DACH2: variants seen among roughly 807,000 people sequenced by gnomAD.
The protein encoded by DACH2 is dachshund family transcription factor 2.
A neutral mutation model predicts 35.8 loss-of-function variants in DACH2; 17 were observed. The observed-to-expected ratio is 0.48, with a 90% CI of 0.33 to 0.71. The LOEUF is 0.71. Ranked by LOEUF, DACH2 falls within the 30% of genes least tolerant of loss-of-function variation. The pLI is 0.02. For synonymous variants in DACH2, 195 were observed against 177.3 expected (o/e 1.10, Z -0.79); for missense variants, 469 against 472.7 (o/e 0.99, Z 0.07).
chrX:86,707,860 A>G (rs2041233947), intron 5 of DACH2, among the ~76,000 whole-genome samples: 1 of 93,085 alleles, frequency 1.1e-5, no homozygotes, highest in South Asian at 5.3e-4. Flanking sequence ...GGTTGCAGTG[A>G]GCCGAGATCA....
chrX:86,456,006 C>T (rs958039652), intron 2 of DACH2, among the ~76,000 whole-genome samples: 34 of 112,230 alleles, frequency 3.0e-4, no homozygotes, highest in African/African-American at 1.1e-3. Context: ...CTGCAGGTTG[C>T]AAAGATCCTT....
At chrX:86,279,574 A>G (rs1166590980) in intron 1 of DACH2, among the ~76,000 whole-genome samples, 1 of 111,371 alleles carries the variant, frequency 9.0e-6, no homozygotes, top group Non-Finnish European at 1.9e-5. Context: ...AAGCAGCACA[A>G]AAAGGCTGAA....
intron 7 of DACH2, among the ~76,000 whole-genome samples, chrX:86,779,651 G>A (rs1465363346): frequency 9.0e-6 from 1 of 111,572 alleles, no homozygotes; most frequent in East Asian, 2.8e-4. Context: ...AATGTGATGT[G>A]AGAGTTGCAG....
intron 2 of DACH2, among the ~76,000 whole-genome samples, chrX:86,441,537 C>A (rs1048445021): frequency 1.9e-5 from 2 of 103,873 alleles, no homozygotes; most frequent in African/African-American, 7.0e-5. Context: ...TTTTCTTTAT[C>A]CATTAATCTG....
chrX:86,662,381 C>A (rs1480467124), intron 4 of DACH2, among the ~76,000 whole-genome samples: 2 of 111,501 alleles, frequency 1.8e-5, no homozygotes, highest in African/African-American at 6.5e-5. Flanking sequence ...ATCACGAGAT[C>A]AGGAGATCGA....
intron 7 of DACH2, among the ~76,000 whole-genome samples, chrX:86,777,721 A>G (rs977801773): frequency 1.7e-4 from 19 of 111,533 alleles, no homozygotes; most frequent in African/African-American, 6.2e-4. Flanking sequence ...TAGGTTACTA[A>G]GAAAATTTTC....
intron 7 of DACH2, among the ~76,000 whole-genome samples, chrX:86,766,097 C>T (rs949634069): frequency 1.8e-5 from 2 of 110,453 alleles, no homozygotes; most frequent in Non-Finnish European, 3.8e-5. Context: ...TCTCTCCTTT[C>T]TTCTCCAAGC....
chrX:86,619,821 G>A (rs1027653426), intron 3 of DACH2, among the ~76,000 whole-genome samples: 2 of 111,798 alleles, frequency 1.8e-5, no homozygotes, highest in African/African-American at 6.5e-5. Flanking sequence ...ATAATTTAAT[G>A]ACATTTAAGA....
intron 1 of DACH2, among the ~76,000 whole-genome samples, chrX:86,317,683 G>A (rs2034939034): frequency 8.9e-6 from 1 of 111,863 alleles, no homozygotes; most frequent in South Asian, 3.7e-4. Flanking sequence ...CTTTACATAG[G>A]CCTTTTTTAT....
intron 4 of DACH2, among the ~76,000 whole-genome samples, chrX:86,663,587 A>G: frequency 8.9e-6 from 1 of 111,845 alleles, no homozygotes; most frequent in Non-Finnish European, 1.9e-5. Flanking sequence ...AAAAGTTAGG[A>G]TCCCAGACAC....
chrX:86,260,965 T>A (rs1308729769), intron 1 of DACH2, among the ~76,000 whole-genome samples: 1 of 112,258 alleles, frequency 8.9e-6, no homozygotes, highest in Admixed American at 9.5e-5. Context: ...CTTGGCAACA[T>A]TTGTTCAACT....
chrX:86,212,973 A>G (rs1283793157), intron 1 of DACH2, among the ~76,000 whole-genome samples: 1 of 111,012 alleles, frequency 9.0e-6, no homozygotes, highest in Admixed American at 9.6e-5. Flanking sequence ...CTTTACATAC[A>G]CTCTTTAAAC....
intron 5 of DACH2, among the ~76,000 whole-genome samples, chrX:86,711,635 C>T (rs928851808): frequency 9.0e-6 from 1 of 111,303 alleles, no homozygotes; most frequent in Non-Finnish European, 1.9e-5. Context: ...TTTCAGAAAA[C>T]GTTTGACTTT....
intron 3 of DACH2, among the ~76,000 whole-genome samples, chrX:86,626,329 C>A (rs773868453): frequency 1.8e-5 from 2 of 112,824 alleles, no homozygotes; most frequent in South Asian, 7.2e-4. Flanking sequence ...TGATCTTGGG[C>A]AGCTCCACCC....
chrX:86,805,050 G>C (rs1312823653), intron 7 of DACH2, among the ~76,000 whole-genome samples: 1 of 112,338 alleles, frequency 8.9e-6, no homozygotes, highest in East Asian at 2.8e-4. Context: ...GCCCCAATGG[G>C]GACTCTGTGT....
chrX:86,332,289 C>T (rs776750765), intron 1 of DACH2, among the ~76,000 whole-genome samples: 164 of 111,209 alleles, frequency 1.5e-3, no homozygotes, highest in African/African-American at 5.1e-3. Flanking sequence ...AACAGTGTTG[C>T]CCAGTTAATA....
At chrX:86,251,418 G>A (rs1180627572) in intron 1 of DACH2, among the ~76,000 whole-genome samples, 1 of 110,536 alleles carries the variant, frequency 9.0e-6, no homozygotes, top group East Asian at 2.9e-4. Flanking sequence ...GGTGATTTCT[G>A]AGATTTTGGT....
At chrX:86,395,930 A>C (rs778748093) in intron 2 of DACH2, among the ~76,000 whole-genome samples, 9,639 of 111,034 alleles carry the variant, frequency 0.087, 1,071 homozygotes, top group African/African-American at 0.3. Context: ...GTCAAATGGT[A>C]TTTCTAGTTC....
intron 3 of DACH2, among the ~76,000 whole-genome samples, chrX:86,618,419 G>A (rs2040031663): frequency 8.9e-6 from 1 of 111,747 alleles, no homozygotes; most frequent in Admixed American, 9.5e-5. Context: ...TTCTATGTTT[G>A]TTGTTTTTGC....
Sources: allele counts gnomAD v4.1 joint callset (sites outside exome capture counted in the v4.1 genomes callset), GRCh38; gene constraint gnomAD v4.1.1; transcripts MANE v1.5; gene names NCBI Gene and HGNC (gene_info 2026-07-23, HGNC 2026-07-21).